Variants in GABRG1 observed in about 807,000 individuals in gnomAD.
The protein encoded by GABRG1 is gamma-aminobutyric acid receptor subunit gamma-1.
Under a neutral mutation model 49.8 loss-of-function variants are expected in GABRG1, and 49 were observed. The ratio of observed to expected loss-of-function variants is 0.98; its 90% CI spans 0.78 to 1.25. GABRG1 has a LOEUF of 1.25. GABRG1 is among the 50% of genes most tolerant of loss of function. GABRG1 has a pLI of 0.00. For synonymous variants in GABRG1, 232 were observed against 185.1 expected, an observed-to-expected ratio of 1.25 and a Z score of -2.06; for missense variants, 552 against 552.3, an observed-to-expected ratio of 1.00 and a Z score of 0.01.
Position 46,057,445 on chromosome 4 carries a change from T to A in GABRG1, c.916+772A>T, listed in dbSNP as rs566376133. On this transcript the variant is annotated intron_variant, in intron 7 of 8. Coordinates refer to ENST00000295452, the MANE Select transcript of GABRG1 (RefSeq NM_173536.4). ...TGTGATTCATGTGTCTTTCACTGAT[T>A]TGGGGGGTGAATCAATTGATTAACA... Among the ~76,000 whole-genome samples, 3 of 152,186 alleles carry A rather than the reference T, an allele frequency of 2.0e-5. 1 individual carries two copies. The South Asian group carries it at 6.2e-4, about 32-fold the overall frequency.
At chr4:46,107,819 C>T (rs191854699) in intron 1 of GABRG1, among the ~76,000 whole-genome samples, 24 of 151,230 alleles carry the variant, frequency 1.6e-4, no homozygotes, top group African/African-American at 5.1e-4. Context: ...ATACTTTATA[C>T]ATATGATTAT....
At chr4:46,100,622 G>A (rs1239120182) in intron 1 of GABRG1, among the ~76,000 whole-genome samples, 1 of 146,756 alleles carries the variant, frequency 6.8e-6, no homozygotes, top group African/African-American at 2.5e-5. Context: ...ATAGAATGAA[G>A]TATCTGGTGG....
At chr4:46,051,708 C>A in intron 7 of GABRG1, 70 bp from the exon 8 acceptor site, 1 of 949,318 alleles carries the variant, frequency 1.1e-6, no homozygotes, top group Non-Finnish European at 1.6e-6. Context: ...TCTGATTTGG[C>A]AATATTGTGA....
In GABRG1 at chr4:46,037,836, A is replaced by G. The variant is rs964204520; in HGVS notation, c.*3152T>C. ...TGACCTGGAATATAATTTCACATTT[A>G]TAACTATGGGGCCCTTGGTGTGAGA... On this transcript the variant is annotated 3_prime_UTR_variant, in exon 9 of 9. Transcript: ENST00000295452. 2 of 151,582 alleles carry G rather than the reference A, an allele frequency of 1.3e-5. No homozygotes were observed. Among genetic ancestry groups the G allele is most frequent in the African/African-American group, 4.8e-5 (2 of 41,388 alleles). The allele number at this position is 151,582 out of a possible 1,614,324, so 9.4% of individuals were successfully genotyped here.
At chr4:46,046,757 T>G (rs1357541637) in intron 8 of GABRG1, among the ~76,000 whole-genome samples, 12 of 152,102 alleles carry the variant, frequency 7.9e-5, no homozygotes, top group Non-Finnish European at 2.9e-5. Context: ...ATTATATTAC[T>G]TCTGGAACAA....
rs1717523867 is a variant in GABRG1, at chr4:46,036,329, T to C, written c.*4659A>G. On this transcript the variant is annotated 3_prime_UTR_variant, in exon 9 of 9. Coordinates refer to ENST00000295452, the MANE Select transcript of GABRG1 (RefSeq NM_173536.4). ...ATATATATATGTATGTATGTCTCAG[T>C]TAGAAAACTGGAAATGGTTATTTGA... 6.6e-6 allele frequency: 1 copy of C among 151,746 alleles called. No individual in the cohort carries two copies. Among genetic ancestry groups the C allele is most frequent in the Admixed American group, 6.6e-5 (1 of 15,200 alleles). 9.4% of individuals were successfully genotyped at this position (151,746 alleles called of 1,614,324 possible).
chr4:46,102,318 A>G (rs1340615062), intron 1 of GABRG1, among the ~76,000 whole-genome samples: 1 of 151,624 alleles, frequency 6.6e-6, no homozygotes, highest in African/African-American at 2.4e-5. Context: ...AACTGAACAT[A>G]GTAGGAATAT....
intron 1 of GABRG1, among the ~76,000 whole-genome samples, chr4:46,119,325 G>A (rs1253003062): frequency 6.6e-6 from 1 of 151,076 alleles, no homozygotes; most frequent in Admixed American, 6.6e-5. Context: ...CAACACTAAT[G>A]TTCATTGTTT....
chr4:46,094,073 A>G (rs2109429502), intron 2 of GABRG1, among the ~76,000 whole-genome samples: 1 of 152,184 alleles, frequency 6.6e-6, no homozygotes, highest in Non-Finnish European at 1.5e-5. Flanking sequence ...ACTGCATGTG[A>G]CAAAGAAGAA....
intron 1 of GABRG1, among the ~76,000 whole-genome samples, chr4:46,104,075 C>A (rs570234410): frequency 6.6e-6 from 1 of 151,264 alleles, no homozygotes; most frequent in African/African-American, 2.4e-5. Flanking sequence ...GAGTTCTAAA[C>A]ACATAAATGA....
intron 8 of GABRG1, among the ~76,000 whole-genome samples, chr4:46,045,044 T>C (rs1200742032): frequency 2.0e-5 from 3 of 152,036 alleles, no homozygotes; most frequent in Non-Finnish European, 4.4e-5. Flanking sequence ...GACAGTTACA[T>C]ACGAAACTTA....
At chr4:46,046,238 C>A (rs749242359) in intron 8 of GABRG1, among the ~76,000 whole-genome samples, 9 of 151,934 alleles carry the variant, frequency 5.9e-5, no homozygotes, top group Admixed American at 1.3e-4. Flanking sequence ...TCCCTTTCTG[C>A]TGTGATAGTC....
intron 2 of GABRG1, among the ~76,000 whole-genome samples, chr4:46,085,716 A>C (rs17536211): frequency 0.14 from 21,043 of 151,482 alleles, 1,933 homozygotes; most frequent in Non-Finnish European, 0.2. Context: ...GCTTCTTAAT[A>C]ATGACTCATT....
At chr4:46,117,852 C>G (rs552767873) in intron 1 of GABRG1, among the ~76,000 whole-genome samples, 18 of 78,328 alleles carry the variant, frequency 2.3e-4, no homozygotes, top group African/African-American at 1.6e-3. Flanking sequence ...ACATGTGTAT[C>G]TATATACATA....
At chr4:46,087,473 T>C (rs1719821398) in intron 2 of GABRG1, among the ~76,000 whole-genome samples, 1 of 151,554 alleles carries the variant, frequency 6.6e-6, no homozygotes, top group Non-Finnish European at 1.5e-5. Context: ...TCCCTAAATA[T>C]TTAGAAATTA....
At chr4:46,082,950 C>T (rs564824648) in intron 3 of GABRG1, among the ~76,000 whole-genome samples, 1 of 151,790 alleles carries the variant, frequency 6.6e-6, no homozygotes, top group Non-Finnish European at 1.5e-5. Flanking sequence ...TTATTATATA[C>T]TGCTTGTCTC....
At chr4:46,065,730 A>T (rs1263424819) in intron 3 of GABRG1, 146 bp from the exon 4 acceptor site, 1 of 585,146 alleles carries the variant, frequency 1.7e-6, no homozygotes, top group Non-Finnish European at 3.0e-6. Context: ...ATTATTTTAA[A>T]CTTTTTTTTT....
intron 1 of GABRG1, among the ~76,000 whole-genome samples, chr4:46,122,740 ATAGT>A (rs1278517249): frequency 4.6e-5 from 7 of 152,244 alleles, no homozygotes; most frequent in African/African-American, 1.4e-4. Flanking sequence ...AGTGATACAA[ATAGT>A]TATAAAGGCA....
intron 8 of GABRG1, among the ~76,000 whole-genome samples, chr4:46,047,508 G>A (rs1446314222): frequency 6.6e-6 from 1 of 152,032 alleles, no homozygotes; most frequent in African/African-American, 2.4e-5. Context: ...AACACTGTGT[G>A]CCTGTTCAAT....
Sources: allele counts gnomAD v4.1 joint callset (sites outside exome capture counted in the v4.1 genomes callset), GRCh38; gene constraint gnomAD v4.1.1; transcripts MANE v1.5; gene names NCBI Gene and HGNC (gene_info 2026-07-23, HGNC 2026-07-21).